Variants in RALGAPA2 observed in about 807,000 individuals in gnomAD.
RALGAPA2 encodes the protein ral GTPase-activating protein subunit alpha-2.
A neutral mutation model predicts 230.4 loss-of-function variants in RALGAPA2; 139 were observed. The observed-to-expected ratio is 0.60, with a 90% confidence interval of 0.53 to 0.69. The LOEUF (loss-of-function observed/expected upper bound fraction) is 0.69, where lower values mean the gene tolerates loss of function less well. Among genes scored for constraint, RALGAPA2 ranks in the 30% least tolerant of loss-of-function variants. RALGAPA2 has a pLI of 0.00. For missense variants in RALGAPA2, 2,163 were observed against 2,276.0 expected, an observed-to-expected ratio of 0.95 and a Z score of 1.01; for synonymous variants, 847 against 837.8, an observed-to-expected ratio of 1.01 and a Z score of -0.19.
chr20:20,595,953 CA>C (rs905702209), intron 16 of RALGAPA2, among the ~76,000 whole-genome samples: 2 of 147,836 alleles, frequency 1.4e-5, no homozygotes, highest in African/African-American at 5.0e-5. Flanking sequence ...GACTCTATCT[CA>C]AAAAAAAACA....
At chr20:20,516,150 C>A (rs150519213) in intron 31 of RALGAPA2, among the ~76,000 whole-genome samples, 1 of 152,204 alleles carries the variant, frequency 6.6e-6, no homozygotes. Flanking sequence ...AAAACCACCC[C>A]CTGACCCTCA....
rs2146831530 is a variant in RALGAPA2 at position 20,680,718 on chromosome 20, C to T, written c.190G>A (p.Ala64Thr). The change falls in exon 2 of 40, where the codon GCA becomes ACA. Residue 64 changes from alanine (A) to threonine (T), a missense_variant. Physicochemically the swap from Ala to Thr is moderately conservative, Grantham distance 58. Coordinates refer to ENST00000202677, the MANE Select transcript of RALGAPA2 (RefSeq NM_020343.4). The part of the protein sequence containing the change: ...IYFIFYENFI[A>T]LENSLKLKGN... The stretch of plus-strand genomic sequence containing the variant: ...TTTAATTTCAAACTATTTTCCAGTG[C>T]TATAAAATTTTCATAGAAGATGAAA... The T allele has an allele frequency of 1.3e-6, 2 of 1,572,924 alleles. No individual in the cohort carries two copies. The highest frequency in any genetic ancestry group is 1.2e-5 in the South Asian group (1 of 82,358).
At chr20:20,434,081 C>A (rs1440843847) in intron 37 of RALGAPA2, among the ~76,000 whole-genome samples, 1 of 151,956 alleles carries the variant, frequency 6.6e-6, no homozygotes, top group Non-Finnish European at 1.5e-5. Flanking sequence ...CATCTGGGGG[C>A]CTGAAAAAGC....
At chr20:20,644,335 GAA>G (rs1162225040) in intron 4 of RALGAPA2, among the ~76,000 whole-genome samples, 5 of 152,118 alleles carry the variant, frequency 3.3e-5, no homozygotes, top group Non-Finnish European at 7.3e-5. Flanking sequence ...ATCCTCTGAT[GAA>G]AAGTTTGTGA....
intron 37 of RALGAPA2, among the ~76,000 whole-genome samples, chr20:20,443,154 C>T (rs1474797165): frequency 6.6e-6 from 1 of 152,202 alleles, no homozygotes; most frequent in Non-Finnish European, 1.5e-5. Flanking sequence ...AGTTTTTATA[C>T]TTTTAACCCT....
At chr20:20,458,875 T>C (rs62202171) in intron 37 of RALGAPA2, among the ~76,000 whole-genome samples, 27,723 of 119,980 alleles carry the variant, frequency 0.23, 4,389 homozygotes, top group Non-Finnish European at 0.31. Flanking sequence ...TATATATATA[T>C]ACACACACAC....
intron 10 of RALGAPA2, among the ~76,000 whole-genome samples, chr20:20,621,656 A>C (rs1266523842): frequency 6.6e-6 from 1 of 152,224 alleles, no homozygotes; most frequent in African/African-American, 2.4e-5. Context: ...AGAACTTTTT[A>C]ACATTAAGGA....
chr20:20,419,065 G>A (rs1016772379), intron 37 of RALGAPA2, among the ~76,000 whole-genome samples: 27 of 152,138 alleles, frequency 1.8e-4, no homozygotes, highest in African/African-American at 6.3e-4. Context: ...AACAGGTTAA[G>A]TGAAACATAT....
chr20:20,446,681 T>A (rs1375043407), intron 37 of RALGAPA2, among the ~76,000 whole-genome samples: 1 of 152,232 alleles, frequency 6.6e-6, no homozygotes, highest in Non-Finnish European at 1.5e-5. Context: ...ACAGGTATAA[T>A]GCAGAGGGCA....
chr20:20,538,468 G>A (rs2063555898), intron 24 of RALGAPA2, among the ~76,000 whole-genome samples: 1 of 152,188 alleles, frequency 6.6e-6, no homozygotes, highest in African/African-American at 2.4e-5. Context: ...CACAGGGACT[G>A]TGAAAGGGCA....
intron 37 of RALGAPA2, among the ~76,000 whole-genome samples, chr20:20,465,522 G>GA (rs2061402539): frequency 6.6e-6 from 1 of 152,172 alleles, no homozygotes; most frequent in South Asian, 2.1e-4. Flanking sequence ...AGAGAGGGGG[G>GA]AAAGAGAGAA....
At chr20:20,452,559 C>G (rs577066567) in intron 37 of RALGAPA2, among the ~76,000 whole-genome samples, 1 of 152,192 alleles carries the variant, frequency 6.6e-6, no homozygotes, top group East Asian at 1.9e-4. Context: ...TGAACACATC[C>G]GACATTGTAC....
chr20:20,605,244 C>G lies in RALGAPA2; in HGVS notation c.1969G>C (p.Gly657Arg). The G allele has an allele frequency of 6.2e-7, 1 of 1,613,872 alleles. No homozygotes were observed. The highest frequency in any genetic ancestry group is 8.5e-7 in the Non-Finnish European group (1 of 1,179,840). ...LTAVLARTVY[G>R]VEMTNLPLDK... ...AGAGGTAGGTTTGTCATCTCAACTC[C>G]ATAAACGGTTCTTGCAAGCACTGCT... The change falls in exon 15 of 40, where the codon GGA (glycine) becomes CGA (arginine). Residue 657 changes from glycine (G) to arginine (R), a missense_variant. By Grantham distance (125) the Gly-to-Arg change is moderately radical. Coordinates refer to ENST00000202677, the MANE Select transcript of RALGAPA2 (RefSeq NM_020343.4).
intron 38 of RALGAPA2, among the ~76,000 whole-genome samples, chr20:20,405,421 T>C (rs1190647880): frequency 1.3e-5 from 2 of 152,216 alleles, no homozygotes; most frequent in Non-Finnish European, 2.9e-5. Context: ...TGAAGTGCCC[T>C]GCACAGTCCT....
chr20:20,526,460 T>G, intron 27 of RALGAPA2, 98 bp from the exon 28 acceptor site: 2 of 763,620 alleles, frequency 2.6e-6, no homozygotes, highest in Non-Finnish European at 4.1e-6. Context: ...CCTTATAGAT[T>G]ACATTTATCT....
chr20:20,623,970 A>T (rs536968310), intron 10 of RALGAPA2, among the ~76,000 whole-genome samples: 1 of 152,262 alleles, frequency 6.6e-6, no homozygotes, highest in Non-Finnish European at 1.5e-5. Context: ...TTGACTCACA[A>T]ATTCCCAAGG....
chr20:20,448,544 A>C (rs2060916014), intron 37 of RALGAPA2, among the ~76,000 whole-genome samples: 1 of 152,194 alleles, frequency 6.6e-6, no homozygotes, highest in East Asian at 1.9e-4. Flanking sequence ...AAATTTAAAA[A>C]ATATATTACT....
intron 35 of RALGAPA2, among the ~76,000 whole-genome samples, chr20:20,498,463 G>A (rs1277880606): frequency 6.6e-6 from 1 of 152,190 alleles, no homozygotes; most frequent in Non-Finnish European, 1.5e-5. Context: ...CACGCCACTG[G>A]TGACACCGGT....
At chr20:20,672,491 C>G (rs549935510) in intron 3 of RALGAPA2, among the ~76,000 whole-genome samples, 1 of 151,926 alleles carries the variant, frequency 6.6e-6, no homozygotes, top group Non-Finnish European at 1.5e-5. Context: ...AATGCCAAAC[C>G]AAAAAAGCTG....
Sources: allele counts gnomAD v4.1 joint callset (sites outside exome capture counted in the v4.1 genomes callset), GRCh38; gene constraint gnomAD v4.1.1; transcripts MANE v1.5; gene names NCBI Gene and HGNC (gene_info 2026-07-23, HGNC 2026-07-21).